TTC21B: variants seen among roughly 807,000 people sequenced by gnomAD.
TTC21B encodes the protein tetratricopeptide repeat protein 21B.
In TTC21B, 127 loss-of-function variants were observed where a neutral mutation model predicts 175.1. The ratio of observed to expected loss-of-function variants is 0.73; its 90% CI spans 0.63 to 0.84. The LOEUF (loss-of-function observed/expected upper bound fraction) is 0.84, where lower values mean the gene tolerates loss of function less well. Among genes scored for constraint, TTC21B ranks in the 40% least tolerant of loss-of-function variants. TTC21B has a pLI of 0.00. For missense variants in TTC21B, 1,561 were observed against 1,558.3 expected (o/e 1.00, Z -0.03); for synonymous variants, 524 against 524.5 (o/e 1.00, Z 0.01).
intron 22 of TTC21B, among the ~76,000 whole-genome samples, chr2:165,892,412 C>G (rs189233493): frequency 1.2e-3 from 190 of 152,264 alleles, no homozygotes; most frequent in Middle Eastern, 3.4e-3. Flanking sequence ...CGTACACCAA[C>G]ATTCATAGCA....
intron 22 of TTC21B, among the ~76,000 whole-genome samples, chr2:165,894,863 T>C (rs1025704422): frequency 2.0e-5 from 3 of 152,138 alleles, no homozygotes; most frequent in African/African-American, 7.2e-5. Flanking sequence ...CACATAAATA[T>C]TTTTAGTAAA....
intron 3 of TTC21B, among the ~76,000 whole-genome samples, chr2:165,946,437 C>G (rs1687567806): frequency 6.6e-6 from 1 of 152,074 alleles, no homozygotes; most frequent in Non-Finnish European, 1.5e-5. Flanking sequence ...TCAAGTTACT[C>G]CTAAATAAGT....
intron 4 of TTC21B, 122 bp from the exon 5 acceptor site, chr2:165,943,463 G>A: frequency 2.5e-6 from 2 of 792,626 alleles, no homozygotes; most frequent in Non-Finnish European, 4.0e-6. Context: ...AATATGTTAT[G>A]AACAATAAAA....
intron 19 of TTC21B, among the ~76,000 whole-genome samples, chr2:165,906,281 A>T (rs1012720692): frequency 3.5e-5 from 5 of 144,812 alleles, no homozygotes; most frequent in Non-Finnish European, 7.6e-5. Context: ...AAAAAAAAAA[A>T]TTAGTAAACC....
At chr2:165,920,769 T>C (rs530535923) in intron 12 of TTC21B, among the ~76,000 whole-genome samples, 1 of 148,984 alleles carries the variant, frequency 6.7e-6, no homozygotes, top group Admixed American at 6.6e-5. Context: ...TATTTTGAAA[T>C]ATTTTAAATA....
chr2:165,917,158 T>A (rs1352743442), intron 14 of TTC21B, 99 bp downstream of exon 14: 1 of 1,140,182 alleles, frequency 8.8e-7, no homozygotes, highest in East Asian at 2.5e-5. Flanking sequence ...GGATTACAGG[T>A]GTGAGCCACC....
At chr2:165,925,136 T>C (rs576110977) in intron 11 of TTC21B, among the ~76,000 whole-genome samples, 1 of 152,292 alleles carries the variant, frequency 6.6e-6, no homozygotes, top group South Asian at 2.1e-4. Flanking sequence ...ACCAGTTTTT[T>C]AAAGAATTCA....
intron 14 of TTC21B, among the ~76,000 whole-genome samples, chr2:165,915,982 T>C (rs1261900049): frequency 2.6e-5 from 4 of 152,236 alleles, no homozygotes; most frequent in Non-Finnish European, 4.4e-5. Context: ...ACTTGTTAAA[T>C]GTACTTTAAG....
chr2:165,902,862 A>T (rs1404631791), intron 19 of TTC21B, among the ~76,000 whole-genome samples: 1 of 152,210 alleles, frequency 6.6e-6, no homozygotes, highest in Non-Finnish European at 1.5e-5. Flanking sequence ...ACCTCTACAC[A>T]TCAAGATGTT....
intron 22 of TTC21B, among the ~76,000 whole-genome samples, chr2:165,893,347 G>A (rs2105295095): frequency 1.3e-5 from 2 of 152,190 alleles, no homozygotes. Flanking sequence ...AAGAACTAAA[G>A]GTTAAAATTT....
At chr2:165,946,823 G>A (rs1013768172) in intron 3 of TTC21B, among the ~76,000 whole-genome samples, 7 of 152,010 alleles carry the variant, frequency 4.6e-5, no homozygotes, top group African/African-American at 1.7e-4. Flanking sequence ...GGGCAACAGA[G>A]GAGGTATATG....
intron 8 of TTC21B, among the ~76,000 whole-genome samples, chr2:165,931,310 C>T (rs565019314): frequency 1.2e-4 from 18 of 152,100 alleles, no homozygotes; most frequent in African/African-American, 4.1e-4. Flanking sequence ...TTCTTGATTA[C>T]CTTTCTTTTA....
chr2:165,932,334 T>C (rs1307615879), intron 7 of TTC21B, among the ~76,000 whole-genome samples: 2 of 152,130 alleles, frequency 1.3e-5, no homozygotes, highest in Non-Finnish European at 2.9e-5. Flanking sequence ...TTACTGAAGA[T>C]TTACCCCTAC....
In TTC21B at chr2:165,876,203, CTT is replaced by C; in HGVS notation, c.3833_3834del (p.Lys1278SerfsTer9). On this transcript the variant is annotated frameshift_variant, in exon 28 of 29. Coordinates refer to ENST00000243344, the MANE Select transcript of TTC21B (RefSeq NM_024753.5). LOFTEE classifies it high-confidence loss of function. ...TCAATTGAATCCACATATCTTTTTG[CTT>C]TTAAGTAATTAAATGCCAGTTTGTA... The part of the protein sequence containing the change: ...VGYKLAFNYL[K>X]AKRYVDSIDI... The C allele has an allele frequency of 1.2e-6, 2 of 1,600,744 alleles. No individual in the cohort carries two copies. Among genetic ancestry groups the C allele is most frequent in the Non-Finnish European group, 1.7e-6 (2 of 1,169,290 alleles).
At position 165,873,419 on chromosome 2, in the gene TTC21B, C is replaced by A. The variant is rs571725698; in HGVS notation, c.*1336G>T. 1 of 152,186 alleles carries A rather than the reference C, an allele frequency of 6.6e-6. No homozygotes were observed. The highest frequency in any genetic ancestry group is 1.5e-5 in the Non-Finnish European group (1 of 68,014). The allele number at this position is 152,186 out of a possible 1,614,324, so 9.4% of individuals were successfully genotyped here. A position where few individuals can be genotyped will look rare whatever the true frequency, so the allele number is the denominator to read the frequency against. On this transcript the variant is annotated 3_prime_UTR_variant, in exon 29 of 29. Coordinates refer to ENST00000243344, the MANE Select transcript of TTC21B (RefSeq NM_024753.5). ...ATAAAATTGAGGACTGTGTTTACTACAATTTTAAGGAAAATTGAAAAAGAT... is the reference window on the plus strand; with the variant it reads ...ATAAAATTGAGGACTGTGTTTACTAAAATTTTAAGGAAAATTGAAAAAGAT...
intron 6 of TTC21B, among the ~76,000 whole-genome samples, chr2:165,937,234 G>C (rs1687183045): frequency 6.6e-6 from 1 of 152,050 alleles, no homozygotes; most frequent in Admixed American, 6.6e-5. Context: ...TTCTGGAAGA[G>C]GTAAAACTAT....
At chr2:165,940,837 G>A (rs1307710971) in intron 6 of TTC21B, among the ~76,000 whole-genome samples, 190 bp downstream of exon 6, 1 of 152,018 alleles carries the variant, frequency 6.6e-6, no homozygotes, top group Non-Finnish European at 1.5e-5. Context: ...CTTAAACCAG[G>A]AATCAAATAT....
intron 14 of TTC21B, among the ~76,000 whole-genome samples, chr2:165,916,575 C>A (rs574483230): frequency 3.3e-5 from 5 of 152,164 alleles, no homozygotes; most frequent in African/African-American, 1.2e-4. Flanking sequence ...TTGGTACTTC[C>A]TTTTTATTTC....
chr2:165,920,076 G>A lies in TTC21B; in HGVS notation c.1517-643C>T, dbSNP rs563454870. Among the ~76,000 whole-genome samples, 13 of 152,116 alleles carry A rather than the reference G, an allele frequency of 8.5e-5. No individual in the cohort carries two copies. The South Asian group carries it at 1.5e-3, about 17-fold the overall frequency. On this transcript the variant is annotated intron_variant, in intron 12 of 28. Transcript: ENST00000243344. ...GAATTGACCTCGGGCTGATAGATGC[G>A]GTAAGAAGAGGCTCTTCAGAGGAAA... is the stretch of plus-strand genomic sequence containing the variant.
Sources: gnomAD v4.1 joint callset for allele counts (sites outside exome capture counted in the v4.1 genomes callset) on GRCh38, gnomAD v4.1.1 for gene constraint, MANE v1.5 for transcripts, NCBI Gene and HGNC (gene_info 2026-07-23, HGNC 2026-07-21) for gene names.